MACROD2: variants seen among roughly 807,000 people sequenced by gnomAD.
MACROD2 encodes the protein ADP-ribose glycohydrolase MACROD2.
In MACROD2, 36 loss-of-function variants were observed where a neutral mutation model predicts 70.4. The observed-to-expected ratio is 0.51, with a 90% CI of 0.39 to 0.68. The LOEUF (loss-of-function observed/expected upper bound fraction) is 0.68. MACROD2 is among the 30% of genes least tolerant of loss of function. MACROD2 has a pLI of 0.00. For missense variants in MACROD2, 496 were observed against 538.4 expected, an observed-to-expected ratio of 0.92 and a Z score of 0.78; for synonymous variants, 172 against 178.8, an observed-to-expected ratio of 0.96 and a Z score of 0.30.
rs548188464 is a variant in MACROD2, at chr20:14,205,847, C to T, written c.271+120119C>T. ...TGCTATAGATCTATTCATCAACACT[C>T]TTGGATCCAATAGTTAAATAGATAC... is the stretch of plus-strand genomic sequence containing the variant. On this transcript the variant is annotated intron_variant, in intron 3 of 17. Transcript: ENST00000684519. Among the ~76,000 whole-genome samples, 40 of 152,312 alleles carry T rather than the reference C, an allele frequency of 2.6e-4. No homozygotes were observed. The Middle Eastern group carries it at 0.014, about 52-fold the overall frequency.
intron 4 of MACROD2, among the ~76,000 whole-genome samples, chr20:14,514,379 A>C (rs573495665): frequency 6.6e-6 from 1 of 152,234 alleles, no homozygotes; most frequent in East Asian, 1.9e-4. Context: ...CCTGTTAGGA[A>C]GCAGATGTGA....
intron 8 of MACROD2, among the ~76,000 whole-genome samples, chr20:15,600,110 T>C (rs1249523487): frequency 6.6e-6 from 1 of 152,120 alleles, no homozygotes; most frequent in East Asian, 1.9e-4. Context: ...TAATAGCCAC[T>C]ATTCTTGGGG....
chr20:15,150,050 T>C (rs1344597576), intron 5 of MACROD2, among the ~76,000 whole-genome samples: 1 of 99,596 alleles, frequency 1.0e-5, no homozygotes, highest in East Asian at 1.9e-4. Context: ...TGTTGTTTTG[T>C]AGAAGGTGCT....
At chr20:15,954,694 G>A (rs1441787667) in intron 12 of MACROD2, among the ~76,000 whole-genome samples, 1 of 152,216 alleles carries the variant, frequency 6.6e-6, no homozygotes, top group East Asian at 1.9e-4. Context: ...ATATTAAAAA[G>A]AAAATACAGT....
intron 3 of MACROD2, among the ~76,000 whole-genome samples, chr20:14,381,466 A>G (rs1014160532): frequency 2.0e-5 from 3 of 152,172 alleles, no homozygotes; most frequent in African/African-American, 7.2e-5. Context: ...GTTCTTATAA[A>G]ATTTAGTGAT....
intron 8 of MACROD2, among the ~76,000 whole-genome samples, chr20:15,707,600 A>C (rs1288008892): frequency 6.6e-6 from 1 of 152,162 alleles, no homozygotes; most frequent in Non-Finnish European, 1.5e-5. Flanking sequence ...CCTGGCCAAC[A>C]TGGGGAAACC....
intron 5 of MACROD2, among the ~76,000 whole-genome samples, chr20:14,915,834 C>G (rs912752125): frequency 3.9e-5 from 6 of 152,096 alleles, no homozygotes; most frequent in African/African-American, 1.4e-4. Context: ...AAGGTAGCTG[C>G]GAGTCATCAT....
chr20:14,763,015 C>T (rs1003013724), intron 5 of MACROD2, among the ~76,000 whole-genome samples: 1 of 151,656 alleles, frequency 6.6e-6, no homozygotes, highest in Non-Finnish European at 1.5e-5. Context: ...CAGTTACCAT[C>T]GAGAGCAGGA....
intron 7 of MACROD2, among the ~76,000 whole-genome samples, chr20:15,440,022 T>G (rs771160206): frequency 2.0e-5 from 3 of 152,136 alleles, no homozygotes; most frequent in Admixed American, 6.6e-5. Context: ...TTTGACACTC[T>G]AATGCTAATA....
intron 8 of MACROD2, among the ~76,000 whole-genome samples, chr20:15,551,496 T>C (rs1600576531): frequency 6.6e-6 from 1 of 152,292 alleles, no homozygotes; most frequent in East Asian, 1.9e-4. Context: ...AAACATGTGC[T>C]CACGTTTTGT....
chr20:14,166,021 A>G (rs1362601760), intron 3 of MACROD2, among the ~76,000 whole-genome samples: 2 of 152,218 alleles, frequency 1.3e-5, no homozygotes, highest in African/African-American at 4.8e-5. Context: ...GAATTAACAC[A>G]GTATGATTTC....
chr20:15,027,849 A>T (rs1368123753), intron 5 of MACROD2, among the ~76,000 whole-genome samples: 1 of 152,186 alleles, frequency 6.6e-6, no homozygotes, highest in African/African-American at 2.4e-5. Flanking sequence ...TCCCCCAACA[A>T]GTTGCTGAAT....
chr20:15,833,670 T>G (rs532085482), intron 8 of MACROD2, among the ~76,000 whole-genome samples: 10 of 152,334 alleles, frequency 6.6e-5, no homozygotes, highest in South Asian at 6.2e-4. Context: ...GCTGTTGCTC[T>G]TTATAGAAAA....
At chr20:15,802,527 G>A (rs1227351867) in intron 8 of MACROD2, among the ~76,000 whole-genome samples, 1 of 151,884 alleles carries the variant, frequency 6.6e-6, no homozygotes, top group African/African-American at 2.4e-5. Flanking sequence ...TTGCATCCCT[G>A]GGATAAATAT....
intron 4 of MACROD2, among the ~76,000 whole-genome samples, chr20:14,555,851 A>C (rs1266645897): frequency 6.6e-6 from 1 of 151,956 alleles, no homozygotes; most frequent in Non-Finnish European, 1.5e-5. Context: ...GTATGTGGTG[A>C]GGTGGGGCTG....
At chr20:14,774,906 A>G (rs1009376538) in intron 5 of MACROD2, among the ~76,000 whole-genome samples, 10 of 152,038 alleles carry the variant, frequency 6.6e-5, no homozygotes, top group African/African-American at 1.9e-4. Flanking sequence ...TTTCACAGTT[A>G]TTCTTTTCTG....
chr20:15,825,146 T>C (rs2063983016), intron 8 of MACROD2, among the ~76,000 whole-genome samples: 1 of 152,162 alleles, frequency 6.6e-6, no homozygotes, highest in African/African-American at 2.4e-5. Flanking sequence ...ATTAAAAATG[T>C]CTGCAAATTT....
intron 6 of MACROD2, among the ~76,000 whole-genome samples, chr20:15,318,378 C>G (rs2077837436): frequency 6.6e-6 from 1 of 152,082 alleles, no homozygotes; most frequent in Non-Finnish European, 1.5e-5. Flanking sequence ...GATGGTTTTA[C>G]TGGTGAATCT....
At chr20:15,794,584 T>G (rs1192318962) in intron 8 of MACROD2, among the ~76,000 whole-genome samples, 1 of 152,232 alleles carries the variant, frequency 6.6e-6, no homozygotes, top group African/African-American at 2.4e-5. Flanking sequence ...TGGTGGTTCA[T>G]TAGCTATTCT....
Sources: allele counts gnomAD v4.1 joint callset (sites outside exome capture counted in the v4.1 genomes callset), GRCh38; gene constraint gnomAD v4.1.1; transcripts MANE v1.5; gene names NCBI Gene and HGNC (gene_info 2026-07-23, HGNC 2026-07-21).